SLC41A2: variants seen among roughly 807,000 people sequenced by gnomAD.
SLC41A2 encodes the protein solute carrier family 41 member 2.
In SLC41A2, 32 loss-of-function variants were observed where a neutral mutation model predicts 58.3. That is an observed-to-expected ratio of 0.55 (90% CI 0.41 to 0.74). The LOEUF is 0.74. Ranked by LOEUF, SLC41A2 falls within the 30% of genes least tolerant of loss-of-function variation. SLC41A2 has a pLI of 0.00. For missense variants in SLC41A2, 514 were observed against 680.6 expected, an observed-to-expected ratio of 0.76 and a Z score of 2.72; for synonymous variants, 190 against 235.0, an observed-to-expected ratio of 0.81 and a Z score of 1.75.
chr12:104,822,146 A>G (rs761880180), intron 10 of SLC41A2, among the ~76,000 whole-genome samples: 2 of 152,224 alleles, frequency 1.3e-5, no homozygotes, highest in Non-Finnish European at 2.9e-5. Flanking sequence ...AAGAAAAAAA[A>G]GTGTGAATGA....
At chr12:104,955,005 C>G (rs2048099895) in intron 1 of SLC41A2, among the ~76,000 whole-genome samples, 1 of 138,950 alleles carries the variant, frequency 7.2e-6, no homozygotes, top group Admixed American at 7.3e-5. Flanking sequence ...GCCCCTGACT[C>G]TTGGCCCTTG....
chr12:104,954,148 CA>C (rs1215737734), intron 1 of SLC41A2, among the ~76,000 whole-genome samples: 1 of 152,088 alleles, frequency 6.6e-6, no homozygotes, highest in Non-Finnish European at 1.5e-5. Context: ...CCCAATATTC[CA>C]AAATGTTCCA....
At chr12:104,834,141 A>G in intron 10 of SLC41A2, 2 of 985,008 alleles carry the variant, frequency 2.0e-6, no homozygotes, top group South Asian at 4.7e-5. Flanking sequence ...CAGTCATTTC[A>G]TCTTCTGTGC....
chr12:104,913,020 G>T (rs1489428415), intron 2 of SLC41A2, among the ~76,000 whole-genome samples: 1 of 152,066 alleles, frequency 6.6e-6, no homozygotes, highest in African/African-American at 2.4e-5. Flanking sequence ...ACGCCTATAG[G>T]TTACTCCCTT....
chr12:104,941,412 A>G (rs902154724), intron 1 of SLC41A2, among the ~76,000 whole-genome samples: 3 of 152,196 alleles, frequency 2.0e-5, no homozygotes, highest in African/African-American at 7.2e-5. Context: ...ATAAATCCTC[A>G]ATACATCGCA....
intron 1 of SLC41A2, among the ~76,000 whole-genome samples, chr12:104,954,491 C>T (rs553626400): frequency 1.6e-4 from 25 of 152,296 alleles, no homozygotes; most frequent in African/African-American, 4.6e-4. Flanking sequence ...TCCCAATAAG[C>T]GCCACTAAAA....
At chr12:104,824,818 G>C (rs775722915) in intron 10 of SLC41A2, among the ~76,000 whole-genome samples, 1 of 152,140 alleles carries the variant, frequency 6.6e-6, no homozygotes, top group African/African-American at 2.4e-5. Context: ...CTCCCATCAC[G>C]TGCCCTGAGA....
intron 6 of SLC41A2, among the ~76,000 whole-genome samples, chr12:104,878,907 G>A (rs890129317): frequency 4.6e-5 from 7 of 152,168 alleles, no homozygotes; most frequent in Non-Finnish European, 8.8e-5. Flanking sequence ...CACAATGGTT[G>A]AACTAGTTTA....
At chr12:104,914,539 T>A (rs2046227685) in intron 2 of SLC41A2, among the ~76,000 whole-genome samples, 1 of 152,190 alleles carries the variant, frequency 6.6e-6, no homozygotes, top group Admixed American at 6.5e-5. Flanking sequence ...TAAGCCACCT[T>A]GAGCTAGTAG....
intron 10 of SLC41A2, among the ~76,000 whole-genome samples, chr12:104,837,118 A>C (rs554191286): frequency 1.4e-4 from 21 of 152,322 alleles, no homozygotes; most frequent in Non-Finnish European, 5.9e-5. Context: ...GAGGAAATTA[A>C]GTCACAGAGA....
intron 3 of SLC41A2, among the ~76,000 whole-genome samples, chr12:104,903,180 T>C (rs2045639266): frequency 6.6e-6 from 1 of 152,178 alleles, no homozygotes; most frequent in African/African-American, 2.4e-5. Flanking sequence ...TTGAATATTA[T>C]CTCTAAGCTA....
At chr12:104,958,535 G>A (rs1042267214), upstream of SLC41A2, 2 of 152,384 alleles carry the variant, frequency 1.3e-5, no homozygotes, top group Non-Finnish European at 2.9e-5. Flanking sequence ...AGCCTGCCCA[G>A]GAGAGAAGGG....
At chr12:104,942,241 G>A (rs971237184) in intron 1 of SLC41A2, among the ~76,000 whole-genome samples, 5 of 152,096 alleles carry the variant, frequency 3.3e-5, no homozygotes, top group Admixed American at 2.6e-4. Context: ...AACTTTGGGA[G>A]GCCGAGGCAG....
chr12:104,899,147 T>G (rs1294117513), intron 3 of SLC41A2, among the ~76,000 whole-genome samples: 1 of 152,220 alleles, frequency 6.6e-6, no homozygotes, highest in African/African-American at 2.4e-5. Flanking sequence ...TAGTTCTCTT[T>G]TAAGGCTCCC....
chr12:104,858,205 T>C (rs1414351656), intron 8 of SLC41A2, among the ~76,000 whole-genome samples: 1 of 152,126 alleles, frequency 6.6e-6, no homozygotes, highest in East Asian at 1.9e-4. Flanking sequence ...AAGACATTAA[T>C]AAATATTAAA....
chr12:104,925,333 C>T (rs546748740), intron 2 of SLC41A2, among the ~76,000 whole-genome samples: 1 of 151,958 alleles, frequency 6.6e-6, no homozygotes, highest in East Asian at 1.9e-4. Flanking sequence ...CCGAGACAGG[C>T]GGATCACGAG....
At position 104,823,100 on chromosome 12, in the gene SLC41A2, T is replaced by C. The variant is rs140912122; in HGVS notation, c.1537-17763A>G. On this transcript the variant is annotated intron_variant, in intron 10 of 10. Coordinates refer to ENST00000258538, the MANE Select transcript of SLC41A2 (RefSeq NM_001352171.3). ...AGTGACAAGTGTGAAAACCCAGACATAATCAACTTGGACTTCCAGAAGGTT... is the reference window on the plus strand; with the variant it reads ...AGTGACAAGTGTGAAAACCCAGACACAATCAACTTGGACTTCCAGAAGGTT... 1.6e-4 allele frequency among the ~76,000 whole-genome samples: 24 copies of C among 152,268 alleles called. No individual in the cohort carries two copies. In the East Asian group the frequency reaches 4.4e-3, roughly 28 times the overall value.
chr12:104,846,046 A>G, intron 8 of SLC41A2, 72 bp from the exon 9 acceptor site: 1 of 1,493,526 alleles, frequency 6.7e-7, no homozygotes, highest in South Asian at 1.2e-5. Context: ...ACCAAAAGCA[A>G]GCCTCTTCGT....
intron 5 of SLC41A2, among the ~76,000 whole-genome samples, chr12:104,887,249 G>A (rs2044716131): frequency 6.6e-6 from 1 of 151,882 alleles, no homozygotes; most frequent in African/African-American, 2.4e-5. Flanking sequence ...TATGGCTATG[G>A]AGAAAAACAG....
Sources: allele counts gnomAD v4.1 joint callset (sites outside exome capture counted in the v4.1 genomes callset), GRCh38; gene constraint gnomAD v4.1.1; transcripts MANE v1.5; gene names NCBI Gene and HGNC (gene_info 2026-07-23, HGNC 2026-07-21).